CHID1: variants seen among roughly 807,000 people sequenced by gnomAD.
CHID1 encodes the protein chitinase domain containing 1, also known as chitinase domain-containing protein 1.
CHID1 carries 44 observed loss-of-function variants against 55.4 expected under a neutral mutation model. That is an observed-to-expected ratio of 0.79 (90% CI 0.62 to 1.02). The LOEUF is 1.02. CHID1 is among the 50% of genes least tolerant of loss of function. CHID1 has a pLI of 0.00. For missense variants in CHID1, 491 were observed against 515.3 expected (o/e 0.95, Z 0.46); for synonymous variants, 216 against 212.9 (o/e 1.01, Z -0.13).
rs531768409 is a variant in CHID1 at position 870,345 on chromosome 11, C to T, written c.1040+74G>A. Reference sequence around the variant, plus strand: ...CCCTGAGACCCCCTGGGCCCTGCTGCTCCCTCATCTCCACCCCCAGGGCCC... The same window carrying T: ...CCCTGAGACCCCCTGGGCCCTGCTGTTCCCTCATCTCCACCCCCAGGGCCC... On this transcript the variant is annotated intron_variant, in intron 11 of 12. Transcript: ENST00000323578. 55 of 1,376,686 alleles carry T rather than the reference C, an allele frequency of 4.0e-5. No individual in the cohort carries two copies. The African/African-American group carries it at 7.1e-4, about 18-fold the overall frequency. 85.3% of individuals were successfully genotyped at this position (1,376,686 alleles called of 1,614,324 possible).
At chr11:886,738 C>T (rs968635455) in intron 8 of CHID1, among the ~76,000 whole-genome samples, 2 of 152,214 alleles carry the variant, frequency 1.3e-5, no homozygotes, top group African/African-American at 2.4e-5. Flanking sequence ...CCGAGTCGGT[C>T]CCAGGTGGCA....
intron 8 of CHID1, among the ~76,000 whole-genome samples, chr11:888,317 G>A (rs1480103036): frequency 2.0e-5 from 3 of 152,248 alleles, no homozygotes; most frequent in Non-Finnish European, 2.9e-5. Context: ...CTGTGCCCCC[G>A]GTCCTGCCAA....
chr11:884,735 C>T (rs960710877), intron 8 of CHID1, among the ~76,000 whole-genome samples: 4 of 152,240 alleles, frequency 2.6e-5, no homozygotes, highest in African/African-American at 9.6e-5. Flanking sequence ...GGCTGTGTGG[C>T]ACATTCCCCA....
chr11:902,687 C>T (rs552802433), intron 3 of CHID1, among the ~76,000 whole-genome samples: 1 of 152,318 alleles, frequency 6.6e-6, no homozygotes, highest in South Asian at 2.1e-4. Flanking sequence ...TCTGCACATC[C>T]ACTTCCTGAC....
chr11:895,756 C>G (rs1851225353), intron 7 of CHID1, among the ~76,000 whole-genome samples: 1 of 152,134 alleles, frequency 6.6e-6, no homozygotes, highest in Non-Finnish European at 1.5e-5. Context: ...GGCTGGGGTC[C>G]CAAGTGGTGG....
chr11:884,793 T>C (rs1311024831), intron 8 of CHID1, among the ~76,000 whole-genome samples: 3 of 152,188 alleles, frequency 2.0e-5, no homozygotes. Flanking sequence ...CGGACACCTG[T>C]GGCATGGGCA....
At chr11:909,244 C>T (rs541138018) in intron 1 of CHID1, among the ~76,000 whole-genome samples, 1 of 152,348 alleles carries the variant, frequency 6.6e-6, no homozygotes, top group East Asian at 1.9e-4. Flanking sequence ...CTTCACATAA[C>T]ACAGACTCCC....
Position 870,469 on chromosome 11 carries a change from G to A in CHID1, c.990C>T (p.Pro330=). 1 of 1,611,976 alleles carries A rather than the reference G, an allele frequency of 6.2e-7. No individual in the cohort carries two copies. The highest frequency in any genetic ancestry group is 8.5e-7 in the Non-Finnish European group (1 of 1,179,352). Residue 330 remains proline, a synonymous_variant, in exon 11 of 13, where the codon CCC becomes CCT. Transcript: ENST00000323578. Reference sequence around the variant, plus strand: ...AGGCCTGGCTGTCCCACACCATCCGGGGCCTGTGGTCCTTCAGTGTCTGGA... The same window carrying A: ...AGGCCTGGCTGTCCCACACCATCCGAGGCCTGTGGTCCTTCAGTGTCTGGA... The part of the protein sequence containing the change: ...RYIQTLKDHR[P]RMVWDSQASE...
intron 8 of CHID1, among the ~76,000 whole-genome samples, chr11:886,722 G>A (rs1233884306): frequency 4.6e-5 from 7 of 152,196 alleles, no homozygotes; most frequent in Non-Finnish European, 1.5e-5. Context: ...GCTTGCCAGC[G>A]CCTCTCCGAG....
At position 899,984 on chromosome 11, in the gene CHID1, G is replaced by A. The variant is rs1851683503; in HGVS notation, c.546+20C>T. 1.9e-6 allele frequency: 3 copies of A among 1,585,212 alleles called. No homozygotes were observed. Among genetic ancestry groups the A allele is most frequent in the South Asian group, 1.1e-5 (1 of 90,472 alleles). On this transcript the variant is annotated intron_variant, in intron 6 of 12. Coordinates refer to ENST00000323578, the MANE Select transcript of CHID1 (RefSeq NM_023947.4). ...CCCGGGGGGCTGTGCTCAGAGGCTGGAGCAGCACACAGGTCTCACCTTTGC... is the reference window on the plus strand; with the variant it reads ...CCCGGGGGGCTGTGCTCAGAGGCTGAAGCAGCACACAGGTCTCACCTTTGC...
chr11:909,168 C>G (rs1852451319), intron 1 of CHID1, among the ~76,000 whole-genome samples: 1 of 152,208 alleles, frequency 6.6e-6, no homozygotes, highest in African/African-American at 2.4e-5. Context: ...TTTGGTACCT[C>G]TCCCGCTCCC....
intron 8 of CHID1, among the ~76,000 whole-genome samples, chr11:891,156 C>T (rs1033230133): frequency 5.3e-5 from 8 of 152,156 alleles, no homozygotes; most frequent in African/African-American, 1.4e-4. Context: ...GCCAGAGTCT[C>T]GGGAGAACCC....
At chr11:883,788 G>A (rs145413584) in intron 9 of CHID1, among the ~76,000 whole-genome samples, 3 of 152,250 alleles carry the variant, frequency 2.0e-5, no homozygotes, top group Admixed American at 6.5e-5. Context: ...AGGCGAAAGA[G>A]GACAGGGCGG....
chr11:881,098 T>G (rs1849880402), intron 10 of CHID1, among the ~76,000 whole-genome samples: 1 of 152,046 alleles, frequency 6.6e-6, no homozygotes, highest in Non-Finnish European at 1.5e-5. Flanking sequence ...CTGCAAAAGT[T>G]TAGTAGAGAC....
intron 10 of CHID1, among the ~76,000 whole-genome samples, chr11:876,622 C>A (rs1849535779): frequency 6.6e-6 from 1 of 152,222 alleles, no homozygotes; most frequent in South Asian, 2.1e-4. Flanking sequence ...TTGCCAGTGT[C>A]CTCCTTGGAC....
chr11:873,014 T>A (rs959901085), intron 10 of CHID1, among the ~76,000 whole-genome samples: 3 of 152,140 alleles, frequency 2.0e-5, no homozygotes, highest in Admixed American at 2.0e-4. Flanking sequence ...GGGGCAGCCA[T>A]GACCAGGGCG....
At chr11:905,974 C>T (rs918170834) in intron 1 of CHID1, among the ~76,000 whole-genome samples, 1 of 152,220 alleles carries the variant, frequency 6.6e-6, no homozygotes, top group African/African-American at 2.4e-5. Flanking sequence ...ATAATCTATT[C>T]ATAACATGCA....
intron 8 of CHID1, among the ~76,000 whole-genome samples, chr11:885,041 G>T (rs1330806561): frequency 6.6e-6 from 1 of 152,220 alleles, no homozygotes; most frequent in Non-Finnish European, 1.5e-5. Flanking sequence ...CCGAGGGGGC[G>T]GAGGGCCCCA....
chr11:903,170 A>C, intron 2 of CHID1, 59 bp from the exon 3 acceptor site: 5 of 1,543,266 alleles, frequency 3.2e-6, no homozygotes, highest in Non-Finnish European at 4.4e-6. Context: ...TAGAGCACAG[A>C]GCCCCACCCA....
Sources: allele counts gnomAD v4.1 joint callset (sites outside exome capture counted in the v4.1 genomes callset), GRCh38; gene constraint gnomAD v4.1.1; transcripts MANE v1.5; gene names NCBI Gene and HGNC (gene_info 2026-07-23, HGNC 2026-07-21).